Variants in TLL2 observed in about 807,000 individuals in gnomAD.
TLL2 encodes tolloid-like protein 2.
In TLL2, 106 loss-of-function variants were observed where a neutral mutation model predicts 123.0. The ratio of observed to expected loss-of-function variants is 0.86; its 90% CI spans 0.74 to 1.01. The LOEUF (loss-of-function observed/expected upper bound fraction) is 1.01, where lower values mean the gene tolerates loss of function less well. TLL2 is among the 50% of genes least tolerant of loss of function. The pLI is 0.00. For synonymous variants in TLL2, 494 were observed against 516.8 expected (o/e 0.96, Z 0.60); for missense variants, 1,332 against 1,336.7 (o/e 1.00, Z 0.06).
chr10:96,420,935 G>A, intron 7 of TLL2, 21 bp downstream of exon 7: 6 of 1,608,528 alleles, frequency 3.7e-6, no homozygotes, highest in Non-Finnish European at 5.1e-6. Context: ...ACACAGACGA[G>A]GCATAAGCAT....
intron 13 of TLL2, among the ~76,000 whole-genome samples, chr10:96,390,606 C>T (rs908150458): frequency 6.6e-6 from 1 of 152,266 alleles, no homozygotes; most frequent in Non-Finnish European, 1.5e-5. Flanking sequence ...GCAAGAGCTT[C>T]TTTGGCTTGC....
At chr10:96,457,668 G>A (rs913468643) in intron 2 of TLL2, among the ~76,000 whole-genome samples, 7 of 152,172 alleles carry the variant, frequency 4.6e-5, no homozygotes, top group Non-Finnish European at 1.0e-4. Flanking sequence ...GTCGGGTATA[G>A]TGGCTATGGA....
rs1266381559 is a variant in TLL2, at chr10:96,405,231, C to T, written c.1267+1G>A. The T allele has an allele frequency of 1.7e-5, 27 of 1,613,900 alleles. No homozygotes were observed. The highest frequency in any genetic ancestry group is 2.3e-5 in the Non-Finnish European group (27 of 1,179,930). On this transcript the variant is annotated splice_donor_variant, in intron 10 of 20. Coordinates refer to ENST00000357947, the MANE Select transcript of TLL2 (RefSeq NM_012465.4). LOFTEE classifies it high-confidence loss of function. ...CTTAACGGTGTCTAAAGTCAACTTA[C>T]CCAAAAGGGGGGCTTTTCTCCAGTA... is the stretch of plus-strand genomic sequence containing the variant.
rs1005182401 is a variant in TLL2 at position 96,452,494 on chromosome 10, C to T, written c.287-6326G>A. On this transcript the variant is annotated intron_variant, in intron 2 of 20. Transcript: ENST00000357947. ...TTGACTCTTACCTTTCTGACCATGTCTTAGGCCTTCTTAATTTGCTGGGCC... is the reference window on the plus strand; with the variant it reads ...TTGACTCTTACCTTTCTGACCATGTTTTAGGCCTTCTTAATTTGCTGGGCC... Among the ~76,000 whole-genome samples the T allele has an allele frequency of 2.6e-5, 4 of 152,224 alleles. No homozygotes were observed. In the East Asian group the frequency reaches 5.8e-4, roughly 22 times the overall value.
intron 13 of TLL2, among the ~76,000 whole-genome samples, chr10:96,391,368 G>C (rs1021642801): frequency 1.3e-5 from 2 of 152,224 alleles, no homozygotes; most frequent in Non-Finnish European, 2.9e-5. Context: ...CATGGGACCA[G>C]CACCTCAAAC....
intron 10 of TLL2, among the ~76,000 whole-genome samples, chr10:96,403,605 G>A (rs541670280): frequency 9.2e-5 from 14 of 152,260 alleles, no homozygotes; most frequent in South Asian, 2.1e-4. Context: ...CCTTGAAAGC[G>A]GGGTATTGTC....
intron 1 of TLL2, among the ~76,000 whole-genome samples, chr10:96,486,073 T>C (rs988990095): frequency 6.6e-6 from 1 of 152,216 alleles, no homozygotes; most frequent in African/African-American, 2.4e-5. Context: ...TGCTCACATG[T>C]TCCTGAATCA....
At position 96,446,085 on chromosome 10, in the gene TLL2, C is replaced by T. The variant is rs773314879; in HGVS notation, c.364+6G>A. The T allele has an allele frequency of 1.9e-6, 3 of 1,614,156 alleles. No homozygotes were observed. The highest frequency in any genetic ancestry group is 2.5e-6 in the Non-Finnish European group (3 of 1,179,996). ...TACCCAAAGACCTGGTGAGGGCTCA[C>T]ATTACCCTTTCCAGCTTCCTTGGTG... On this transcript the variant is annotated splice_donor_region_variant and intron_variant, in intron 3 of 20. Transcript: ENST00000357947.
At chr10:96,476,240 A>ATATATATATATATATATTCTTT in intron 2 of TLL2, among the ~76,000 whole-genome samples, 1 of 20,502 alleles carries the variant, frequency 4.9e-5, no homozygotes, top group African/African-American at 1.7e-4. Context: ...ATATATATAT[A>ATATATATATATATATATTCTTT]TTTTATTTTT....
intron 2 of TLL2, among the ~76,000 whole-genome samples, chr10:96,474,851 T>C (rs1167314575): frequency 6.6e-6 from 1 of 152,186 alleles, no homozygotes; most frequent in East Asian, 1.9e-4. Flanking sequence ...AATCCACCTT[T>C]GTCTCTGCTT....
At chr10:96,385,359 TA>T (rs1165789559) in intron 15 of TLL2, among the ~76,000 whole-genome samples, 11 of 152,230 alleles carry the variant, frequency 7.2e-5, no homozygotes, top group African/African-American at 2.7e-4. Context: ...TTTCAAGGAT[TA>T]TTTTTTTCTG....
chr10:96,395,335 A>G lies in TLL2; in HGVS notation c.1578T>C (p.Asp526=), dbSNP rs745812364. ...TCAGGGCACTCTCTTCCGTGGGGCC[A>G]TCCCGGACTTCCAGGTAGTCATATG... ...SCAYDYLEVR[D]GPTEESALIG... Residue 526 remains aspartate, a synonymous_variant, in exon 13 of 21, where the codon GAT becomes GAC. Transcript: ENST00000357947. 2.5e-6 allele frequency: 4 copies of G among 1,612,378 alleles called. No homozygotes were observed. The African/African-American group carries it at 4.0e-5, about 16-fold the overall frequency.
intron 13 of TLL2, among the ~76,000 whole-genome samples, chr10:96,394,065 C>A (rs1361329533): frequency 1.3e-5 from 2 of 152,110 alleles, no homozygotes; most frequent in African/African-American, 4.8e-5. Context: ...CTTTTGACAC[C>A]CAGGCTGTTC....
intron 2 of TLL2, among the ~76,000 whole-genome samples, chr10:96,450,660 G>T (rs1388377816): frequency 6.6e-6 from 1 of 152,132 alleles, no homozygotes; most frequent in Admixed American, 6.5e-5. Flanking sequence ...GATGAAAAGC[G>T]TTTCTCCGTT....
intron 2 of TLL2, among the ~76,000 whole-genome samples, chr10:96,479,306 C>T (rs1847288920): frequency 6.6e-6 from 1 of 152,336 alleles, no homozygotes; most frequent in East Asian, 1.9e-4. Flanking sequence ...CAATGTCAGC[C>T]CTCATCCACC....
At chr10:96,486,741 A>G (rs1428362362) in intron 1 of TLL2, among the ~76,000 whole-genome samples, 1 of 152,226 alleles carries the variant, frequency 6.6e-6, no homozygotes, top group Non-Finnish European at 1.5e-5. Flanking sequence ...ACCCCTGGGA[A>G]GTCCAATGCC....
chr10:96,414,678 G>C (rs1310369457), intron 7 of TLL2, among the ~76,000 whole-genome samples: 1 of 151,976 alleles, frequency 6.6e-6, no homozygotes, highest in African/African-American at 2.4e-5. Flanking sequence ...CAGATGCCTC[G>C]TAACACCTCC....
At chr10:96,401,988 G>A (rs564628857) in intron 10 of TLL2, among the ~76,000 whole-genome samples, 51 of 152,210 alleles carry the variant, frequency 3.4e-4, no homozygotes, top group Non-Finnish European at 6.5e-4. Context: ...ATTCTGGTCT[G>A]ATCTCAGCCA....
intron 20 of TLL2, among the ~76,000 whole-genome samples, chr10:96,369,068 A>T (rs1846054033): frequency 6.6e-6 from 1 of 152,258 alleles, no homozygotes; most frequent in South Asian, 2.1e-4. Context: ...GTGACTCAAA[A>T]ATGATGTGCT....
Sources: allele counts gnomAD v4.1 joint callset (sites outside exome capture counted in the v4.1 genomes callset), GRCh38; gene constraint gnomAD v4.1.1; transcripts MANE v1.5; gene names NCBI Gene and HGNC (gene_info 2026-07-23, HGNC 2026-07-21).